FLT1: variants seen among roughly 807,000 people sequenced by gnomAD.
FLT1 encodes the protein fms related receptor tyrosine kinase 1, also known as vascular endothelial growth factor receptor 1.
A neutral mutation model predicts 156.3 loss-of-function variants in FLT1; 49 were observed. The ratio of observed to expected loss-of-function variants is 0.31; its 90% CI spans 0.25 to 0.40. FLT1 has a LOEUF of 0.40. FLT1 is among the 10% of genes least tolerant of loss of function. FLT1 has a pLI of 1.00. For synonymous variants in FLT1, 594 were observed against 583.8 expected (o/e 1.02, Z -0.25); for missense variants, 1,322 against 1,637.2 (o/e 0.81, Z 3.32).
chr13:28,491,159 AT>A (rs10715951), intron 1 of FLT1, among the ~76,000 whole-genome samples: 71,141 of 151,814 alleles, frequency 0.47, 18,418 homozygotes, highest in South Asian at 0.64. Flanking sequence ...ATATGAAACC[AT>A]TTTTTGGTAA....
At chr13:28,442,695 T>C (rs1878395715) in intron 3 of FLT1, among the ~76,000 whole-genome samples, 1 of 125,818 alleles carries the variant, frequency 7.9e-6, no homozygotes, top group Non-Finnish European at 1.6e-5. Flanking sequence ...AGCATATGAC[T>C]GTAGATACAC....
At chr13:28,329,770 G>A (rs1030294624) in intron 18 of FLT1, 42 bp from the exon 19 acceptor site, 2 of 1,517,138 alleles carry the variant, frequency 1.3e-6, no homozygotes, top group Non-Finnish European at 1.8e-6. Context: ...CAGGACAATG[G>A]GGCTCCTTCC....
chr13:28,328,410 C>CA (rs1725265926), intron 19 of FLT1: 1 of 152,210 alleles, frequency 6.6e-6, no homozygotes, highest in African/African-American at 2.4e-5. Flanking sequence ...CTGGGCTGGG[C>CA]ATGCAGCCCA....
In FLT1 at chr13:28,329,595, G is replaced by T; in HGVS notation, c.2707+20C>A. ...GCCTGTGCAGGGGGAGACGGAGCCG[G>T]CCCTCCCCTTCTCCATTACCTCCTT... On this transcript the variant is annotated intron_variant, in intron 19 of 29. Coordinates refer to ENST00000282397, the MANE Select transcript of FLT1 (RefSeq NM_002019.4). 2.6e-6 allele frequency: 4 copies of T among 1,542,722 alleles called. No homozygotes were observed. Among genetic ancestry groups the T allele is most frequent in the Non-Finnish European group, 3.6e-6 (4 of 1,115,326 alleles).
intron 4 of FLT1, among the ~76,000 whole-genome samples, chr13:28,434,427 TA>T (rs1326145051): frequency 4.6e-5 from 7 of 152,250 alleles, no homozygotes. Context: ...ATATTTGCAT[TA>T]TGATAAATTA....
At chr13:28,408,634 G>T (rs190115114) in intron 10 of FLT1, among the ~76,000 whole-genome samples, 44 of 152,266 alleles carry the variant, frequency 2.9e-4, no homozygotes, top group South Asian at 1.2e-3. Flanking sequence ...CTGTCTTGAG[G>T]GGGGAGGAAG....
chr13:28,444,664 A>G (rs1878512769), intron 3 of FLT1, among the ~76,000 whole-genome samples: 1 of 152,252 alleles, frequency 6.6e-6, no homozygotes, highest in African/African-American at 2.4e-5. Flanking sequence ...GAAATAATAC[A>G]AAGTATGTTG....
chr13:28,335,499 G>C (rs1052227558), intron 17 of FLT1, among the ~76,000 whole-genome samples: 2 of 151,938 alleles, frequency 1.3e-5, no homozygotes, highest in African/African-American at 4.8e-5. Flanking sequence ...CATCATATTA[G>C]AACCTTTCTA....
At chr13:28,481,394 G>T (rs1880837387) in intron 1 of FLT1, among the ~76,000 whole-genome samples, 1 of 151,796 alleles carries the variant, frequency 6.6e-6, no homozygotes, top group African/African-American at 2.4e-5. Context: ...TGTATTGGGA[G>T]AATTGTTGCC....
In FLT1 at chr13:28,430,097, G is replaced by A. The variant is rs1877589973; in HGVS notation, c.1059C>T (p.Tyr353=). ...VLETVAGKRS[Y]RLSMKVKAFP... Reference sequence around the variant, plus strand: ...ATGCCTTCACTTTCATAGAGAGCCGGTAAGACCGCTTGCCAGCTACGGTTT... The same window carrying A: ...ATGCCTTCACTTTCATAGAGAGCCGATAAGACCGCTTGCCAGCTACGGTTT... Residue 353 remains tyrosine (Y), a synonymous_variant, in exon 8 of 30, where the codon TAC becomes TAT. Transcript: ENST00000282397. 1.6e-5 allele frequency: 26 copies of A among 1,613,926 alleles called. No homozygotes were observed. The highest frequency in any genetic ancestry group is 2.1e-5 in the Non-Finnish European group (25 of 1,179,816).
Position 28,454,815 on chromosome 13 carries a change from A to C in FLT1, c.388+12088T>G, listed in dbSNP as rs58530149. On this transcript the variant is annotated intron_variant, in intron 3 of 29. Transcript: ENST00000282397. ...ATTATAGCAAGCTTGCAGGACACAA[A>C]GTTAAATTCAAAAGTCAGTTGCTTT... Among the ~76,000 whole-genome samples, 1,193 of 152,316 alleles carry C rather than the reference A, an allele frequency of 7.8e-3. 16 individuals are homozygous for C. The highest frequency in any genetic ancestry group is 0.027 in the African/African-American group (1,139 of 41,578).
intron 14 of FLT1, among the ~76,000 whole-genome samples, chr13:28,372,048 G>A (rs199921682): frequency 2.3e-3 from 172 of 75,542 alleles, no homozygotes; most frequent in African/African-American, 9.7e-3. Flanking sequence ...GTGTGTGTGT[G>A]TATATATATA....
chr13:28,444,710 CAG>C (rs1458264509), intron 3 of FLT1, among the ~76,000 whole-genome samples: 2 of 152,082 alleles, frequency 1.3e-5, no homozygotes, highest in Non-Finnish European at 2.9e-5. Flanking sequence ...AAATCAATAA[CAG>C]AAATAAATTT....
At chr13:28,369,560 A>G (rs946698502) in intron 14 of FLT1, among the ~76,000 whole-genome samples, 86 of 152,214 alleles carry the variant, frequency 5.6e-4, no homozygotes, top group Non-Finnish European at 1.1e-3. Context: ...CGATTAATCC[A>G]TAAATGACAC....
chr13:28,310,221 T>G (rs976470568), intron 27 of FLT1, among the ~76,000 whole-genome samples: 1 of 152,160 alleles, frequency 6.6e-6, no homozygotes, highest in African/African-American at 2.4e-5. Flanking sequence ...CTGCAGCTTC[T>G]TCCCATATCT....
intron 10 of FLT1, among the ~76,000 whole-genome samples, chr13:28,418,461 C>T (rs1006219958): frequency 1.2e-4 from 19 of 152,248 alleles, no homozygotes; most frequent in African/African-American, 4.6e-4. Context: ...AACCTATTCC[C>T]TGCAGACTTC....
At position 28,438,362 on chromosome 13, in the gene FLT1, T is replaced by C. The variant is rs760884888; in HGVS notation, c.389-17A>G. 6.3e-7 allele frequency: 1 copy of C among 1,597,026 alleles called. No individual in the cohort carries two copies. The highest frequency in any genetic ancestry group is 8.6e-7 in the Non-Finnish European group (1 of 1,165,022). On this transcript the variant is annotated splice_polypyrimidine_tract_variant and intron_variant, in intron 3 of 29. Transcript: ENST00000282397. ...TACCTGTATCTGAATGAGAAGAAAA[T>C]GAAAAAAATATATACATAAATGATT...
chr13:28,360,678 G>C (rs1873080694), intron 14 of FLT1, among the ~76,000 whole-genome samples: 1 of 152,210 alleles, frequency 6.6e-6, no homozygotes, highest in African/African-American at 2.4e-5. Context: ...GGTTACCACA[G>C]GCTGGGGTGG....
At chr13:28,460,433 A>T (rs1879502437) in intron 3 of FLT1, among the ~76,000 whole-genome samples, 1 of 151,430 alleles carries the variant, frequency 6.6e-6, no homozygotes, top group African/African-American at 2.4e-5. Context: ...ATCAAACAAC[A>T]GGGCCTTGTG....
Sources: gnomAD v4.1 joint callset for allele counts (sites outside exome capture counted in the v4.1 genomes callset) on GRCh38, gnomAD v4.1.1 for gene constraint, MANE v1.5 for transcripts, NCBI Gene and HGNC (gene_info 2026-07-23, HGNC 2026-07-21) for gene names.